Variants in PPP2R2C observed in about 807,000 individuals in gnomAD.
The protein encoded by PPP2R2C is protein phosphatase 2, regulatory subunit B, gamma.
Under a neutral mutation model 45.3 loss-of-function variants are expected in PPP2R2C, and 10 were observed. The ratio of observed to expected loss-of-function variants is 0.22; its 90% CI spans 0.14 to 0.37. PPP2R2C has a LOEUF of 0.37. PPP2R2C is among the 10% of genes least tolerant of loss of function. The pLI, the probability that PPP2R2C is intolerant of heterozygous loss-of-function variation, is 1.00. For synonymous variants in PPP2R2C, 257 were observed against 245.4 expected (o/e 1.05, Z -0.44); for missense variants, 308 against 619.7 (o/e 0.50, Z 5.34).
At chr4:6,381,984 G>T in intron 1 of PPP2R2C, 1 of 1,438,556 alleles carries the variant, frequency 7.0e-7, no homozygotes, top group Non-Finnish European at 9.1e-7. Context: ...GAGAGCAGGG[G>T]AGGACAAGGC....
At chr4:6,511,009 A>AAAAAAAAAG (rs1723429196) in intron 2 of PPP2R2C, among the ~76,000 whole-genome samples, 1 of 149,094 alleles carries the variant, frequency 6.7e-6, no homozygotes, top group African/African-American at 2.5e-5. Context: ...AAAAAAAAAA[A>AAAAAAAAAG]CAGAAAATGT....
intron 5 of PPP2R2C, chr4:6,351,318 T>G (rs1712531451): frequency 1.1e-6 from 1 of 913,216 alleles, no homozygotes; most frequent in African/African-American, 1.8e-5. Context: ...ATCTCAAAAA[T>G]AAATAAATAA....
rs76816527 is a variant in PPP2R2C, at chr4:6,418,891, G to C, written c.71-37797C>G. Among the ~76,000 whole-genome samples the C allele has an allele frequency of 8.3e-3, 1,252 of 151,414 alleles. 18 individuals are homozygous for C. Among genetic ancestry groups the C allele is most frequent in the African/African-American group, 0.029 (1,194 of 41,496 alleles). On this transcript the variant is annotated intron_variant, in intron 1 of 8. Transcript: ENST00000382599. Reference sequence around the variant, plus strand: ...GTCATGCCTGGTTCTGGGGAGTAAAGTGTGAAGCAGACAGTAGGCCTGGGC... The same window carrying C: ...GTCATGCCTGGTTCTGGGGAGTAAACTGTGAAGCAGACAGTAGGCCTGGGC...
chr4:6,535,396 A>AG, intron 1 of PPP2R2C: 1 of 1,475,242 alleles, frequency 6.8e-7, no homozygotes, highest in Non-Finnish European at 9.1e-7. Context: ...AGAAAAAAAA[A>AG]CTAAAGTTGA....
At chr4:6,548,650 G>A (rs919800478) in intron 1 of PPP2R2C, among the ~76,000 whole-genome samples, 7 of 152,188 alleles carry the variant, frequency 4.6e-5, no homozygotes, top group Non-Finnish European at 5.9e-5. Flanking sequence ...TCAGCCAACC[G>A]ACAGCAAGCT....
intron 4 of PPP2R2C, among the ~76,000 whole-genome samples, chr4:6,374,646 C>T (rs1021985414): frequency 2.6e-5 from 4 of 152,204 alleles, no homozygotes; most frequent in South Asian, 2.1e-4. Context: ...GGGGTGCCCA[C>T]GGCCTCTCTG....
chr4:6,559,395 G>GCACACACACA lies in PPP2R2C; in HGVS notation c.-59+4155_-59+4164dup, dbSNP rs58400617. On this transcript the variant is annotated intron_variant, in intron 1 of 9. Transcript: ENST00000506140. ...AATGGCAGTTCTGAAAAAATACACA[G>GCACACACACA]CACACACACACACACACACACACAC... 3.6e-3 allele frequency among the ~76,000 whole-genome samples: 520 copies of GCACACACACA among 144,852 alleles called. 5 individuals are homozygous for GCACACACACA. Among genetic ancestry groups the GCACACACACA allele is most frequent in the African/African-American group, 0.013 (500 of 37,780 alleles).
At chr4:6,377,584 G>C (rs539511445) in intron 3 of PPP2R2C, among the ~76,000 whole-genome samples, 1 of 152,166 alleles carries the variant, frequency 6.6e-6, no homozygotes, top group African/African-American at 2.4e-5. Context: ...GCTTGAACCC[G>C]GGAGGCGGAG....
intron 5 of PPP2R2C, among the ~76,000 whole-genome samples, chr4:6,352,030 G>A (rs1466395074): frequency 6.6e-6 from 1 of 152,216 alleles, no homozygotes; most frequent in African/African-American, 2.4e-5. Flanking sequence ...AGTAGCTGTG[G>A]GAGAAGCCTC....
Position 6,339,975 on chromosome 4 carries a change from T to C in PPP2R2C, c.791-6244A>G, listed in dbSNP as rs185256286. ...CCCTGGACACTGGCTTGCTCCTGGGTTCCAGGTGATGCCACTGTTTGGGGA... is the reference window on the plus strand; with the variant it reads ...CCCTGGACACTGGCTTGCTCCTGGGCTCCAGGTGATGCCACTGTTTGGGGA... On this transcript the variant is annotated intron_variant, in intron 6 of 8. Coordinates refer to ENST00000382599, the MANE Select transcript of PPP2R2C (RefSeq NM_020416.4). Among the ~76,000 whole-genome samples, 492 of 152,228 alleles carry C rather than the reference T, an allele frequency of 3.2e-3. 5 individuals are homozygous for C. The highest frequency in any genetic ancestry group is 0.012 in the African/African-American group (480 of 41,550).
At chr4:6,445,124 G>A (rs111914924) in intron 1 of PPP2R2C, among the ~76,000 whole-genome samples, 2,073 of 152,204 alleles carry the variant, frequency 0.014, 48 homozygotes, top group African/African-American at 0.047. Flanking sequence ...GGGAGGCAGA[G>A]GTTACAGTGA....
In PPP2R2C at chr4:6,504,052, T is replaced by C. The variant is rs368656551; in HGVS notation, c.49+31219A>G. ...TGAGAGCAGTCCTCCTCCTGCACCATTCAGAGAGCTACAACTGTGATAGAA... is the reference window on the plus strand; with the variant it reads ...TGAGAGCAGTCCTCCTCCTGCACCACTCAGAGAGCTACAACTGTGATAGAA... On this transcript the variant is annotated intron_variant, in intron 2 of 9. Coordinates refer to the PPP2R2C transcript ENST00000506140. Among the ~76,000 whole-genome samples, 53 of 152,356 alleles carry C rather than the reference T, an allele frequency of 3.5e-4. 1 individual carries two copies. In the East Asian group the frequency reaches 5.2e-3, roughly 15 times the overall value.
chr4:6,515,710 A>G (rs779970787), intron 2 of PPP2R2C, among the ~76,000 whole-genome samples: 2 of 152,250 alleles, frequency 1.3e-5, no homozygotes, highest in Non-Finnish European at 1.5e-5. Context: ...GCAAGCATTT[A>G]TCAAGCTCCA....
At chr4:6,349,263 C>T in intron 5 of PPP2R2C, 4 of 985,458 alleles carry the variant, frequency 4.1e-6, no homozygotes, top group Non-Finnish European at 4.8e-6. Flanking sequence ...CATGTGAGCC[C>T]TGGAGTTGGA....
intron 1 of PPP2R2C, among the ~76,000 whole-genome samples, chr4:6,429,619 G>A (rs559235033): frequency 9.2e-5 from 14 of 152,240 alleles, no homozygotes; most frequent in South Asian, 8.3e-4. Context: ...AGCATCTACC[G>A]TGCTGCTCCC....
At chr4:6,516,406 A>G (rs1361050702) in intron 2 of PPP2R2C, among the ~76,000 whole-genome samples, 2 of 152,154 alleles carry the variant, frequency 1.3e-5, no homozygotes, top group Non-Finnish European at 2.9e-5. Flanking sequence ...CAAGGTGAGG[A>G]CCACCACTCC....
In PPP2R2C at chr4:6,326,030, T is replaced by A. The variant is rs192575860; in HGVS notation, c.1053-2437A>T. On this transcript the variant is annotated intron_variant, in intron 8 of 8. Coordinates refer to ENST00000382599, the MANE Select transcript of PPP2R2C (RefSeq NM_020416.4). ...ACTCCCTATCCCTGTGAGCGGTCAATCACAGTGCTCTCCTCGCCCCTTGGC... is the reference window on the plus strand; with the variant it reads ...ACTCCCTATCCCTGTGAGCGGTCAAACACAGTGCTCTCCTCGCCCCTTGGC... 5.6e-3 allele frequency among the ~76,000 whole-genome samples: 857 copies of A among 152,340 alleles called. 6 individuals carry two copies. Among genetic ancestry groups the A allele is most frequent in the African/African-American group, 0.019 (793 of 41,572 alleles).
At chr4:6,532,319 C>T (rs1216393299) in intron 2 of PPP2R2C, among the ~76,000 whole-genome samples, 2 of 152,186 alleles carry the variant, frequency 1.3e-5, no homozygotes, top group South Asian at 2.1e-4. Context: ...AAAGTCAGAG[C>T]TGGAGAGGAA....
At chr4:6,326,603 A>G (rs879621278) in intron 8 of PPP2R2C, among the ~76,000 whole-genome samples, 7 of 152,188 alleles carry the variant, frequency 4.6e-5, no homozygotes, top group Non-Finnish European at 8.8e-5. Context: ...ACGAACTGGG[A>G]TCTTGCTGAA....
Sources: gnomAD v4.1 joint callset for allele counts (sites outside exome capture counted in the v4.1 genomes callset) on GRCh38, gnomAD v4.1.1 for gene constraint, MANE v1.5 for transcripts, NCBI Gene and HGNC (gene_info 2026-07-23, HGNC 2026-07-21) for gene names.